The following ZC3H13 variants were observed in gnomAD, a reference collection of about 807,000 sequenced individuals.
The protein encoded by ZC3H13 is zinc finger CCCH domain-containing protein 13.
In ZC3H13, 64 loss-of-function variants were observed where a neutral mutation model predicts 204.1. That is an observed-to-expected ratio of 0.31 (90% CI 0.26 to 0.39). The LOEUF is 0.39. ZC3H13 is among the 10% of genes least tolerant of loss of function. The pLI is 1.00. For synonymous variants in ZC3H13, 667 were observed against 693.7 expected (o/e 0.96, Z 0.60); for missense variants, 1,833 against 2,082.7 (o/e 0.88, Z 2.33).
intron 5 of ZC3H13, among the ~76,000 whole-genome samples, chr13:46,013,427 A>C (rs1566285096): frequency 2.6e-5 from 4 of 151,762 alleles, no homozygotes; most frequent in African/African-American, 9.7e-5. Context: ...AAAAAAAAAC[A>C]AAATAAATAA....
chr13:46,011,493 A>T lies in ZC3H13; in HGVS notation c.510T>A (p.Arg170=). 1 of 1,604,488 alleles carries T rather than the reference A, an allele frequency of 6.2e-7. No individual in the cohort carries two copies. ...TCATTAATTCCCTCTGTATCTTCTG[A>T]CGCTTCATTTCCAATGACAATTCAT... ...YVHELSLEMK[R]QKIQRELMKL... Residue 170 remains arginine, a synonymous_variant, in exon 6 of 19, where the codon CGT becomes CGA. Coordinates refer to ENST00000679008, the MANE Select transcript of ZC3H13 (RefSeq NM_001330564.2).
At chr13:45,977,720 T>TTAGATGCCTA (rs1340454367) in intron 11 of ZC3H13, among the ~76,000 whole-genome samples, 4 of 134,206 alleles carry the variant, frequency 3.0e-5, no homozygotes, top group Non-Finnish European at 4.8e-5. Context: ...TCAGGTCTTC[T>TTAGATGCCTA]TAGATGCCTA....
chr13:46,048,923 G>A (rs939972488), intron 1 of ZC3H13, among the ~76,000 whole-genome samples: 2 of 152,004 alleles, frequency 1.3e-5, no homozygotes. Context: ...GAGGTCAAGA[G>A]ATTGAGACCA....
In ZC3H13 at chr13:45,957,017, TA is replaced by T; in HGVS notation, c.*109del. 1 of 1,030,486 alleles carries T rather than the reference TA, an allele frequency of 9.7e-7. No individual in the cohort carries two copies. Among genetic ancestry groups the T allele is most frequent in the Non-Finnish European group, 1.3e-6 (1 of 783,394 alleles). The allele number at this position is 1,030,486 out of a possible 1,614,324, so 63.8% of individuals were successfully genotyped here. The stretch of plus-strand genomic sequence containing the variant: ...TTCTTCACTCTTTTAGCATGGCTGA[TA>T]AATCTTTTCTGCCTTTGTCACTAAT... On this transcript the variant is annotated 3_prime_UTR_variant, in exon 19 of 19. Coordinates refer to ENST00000679008, the MANE Select transcript of ZC3H13 (RefSeq NM_001330564.2).
intron 11 of ZC3H13, among the ~76,000 whole-genome samples, chr13:45,978,574 G>C (rs1953265840): frequency 6.6e-6 from 1 of 151,956 alleles, no homozygotes; most frequent in African/African-American, 2.4e-5. Context: ...ATATTGTAAA[G>C]ACTAAGTCAG....
At position 45,955,401 on chromosome 13, in the gene ZC3H13, A is replaced by G. The variant is rs1388486950; in HGVS notation, c.*1726T>C. 3 of 152,208 alleles carry G rather than the reference A, an allele frequency of 2.0e-5. No homozygotes were observed. Among genetic ancestry groups the G allele is most frequent in the Admixed American group, 1.3e-4 (2 of 15,282 alleles). The allele number at this position is 152,208 out of a possible 1,614,324, so 9.4% of individuals were successfully genotyped here. A position where few individuals can be genotyped will look rare whatever the true frequency, so the allele number is the denominator to read the frequency against. On this transcript the variant is annotated 3_prime_UTR_variant, in exon 19 of 19. Transcript: ENST00000679008. Reference sequence around the variant, plus strand: ...AGTTCTAAATTTTCTTTTGCAACATACATAACAAAAAGATTTCAAACTGAA... The same window carrying G: ...AGTTCTAAATTTTCTTTTGCAACATGCATAACAAAAAGATTTCAAACTGAA...
intron 8 of ZC3H13, among the ~76,000 whole-genome samples, chr13:46,002,107 T>C (rs1281057766): frequency 6.6e-6 from 1 of 152,128 alleles, no homozygotes; most frequent in African/African-American, 2.4e-5. Flanking sequence ...TGGAAAGACA[T>C]TTCTCCAAAG....
At chr13:46,020,605 A>G in intron 4 of ZC3H13, 48 bp from the exon 5 acceptor site, 1 of 1,244,172 alleles carries the variant, frequency 8.0e-7, no homozygotes, top group South Asian at 1.4e-5. Context: ...TTTAAAAATT[A>G]TGAGGTAGTT....
At chr13:46,027,551 A>G (rs1019933237) in intron 4 of ZC3H13, among the ~76,000 whole-genome samples, 1 of 152,242 alleles carries the variant, frequency 6.6e-6, no homozygotes, top group Admixed American at 6.5e-5. Flanking sequence ...TTTTTCAAAG[A>G]AAAAATAAAG....
intron 1 of ZC3H13, among the ~76,000 whole-genome samples, chr13:46,048,154 C>T (rs1481714133): frequency 6.6e-6 from 1 of 152,138 alleles, no homozygotes; most frequent in East Asian, 1.9e-4. Flanking sequence ...TTTGAGGGTT[C>T]CAGGTATTAA....
chr13:45,980,020 A>T lies in ZC3H13; in HGVS notation c.1721-16T>A. 1 of 1,579,314 alleles carries T rather than the reference A, an allele frequency of 6.3e-7. No homozygotes were observed. Among genetic ancestry groups the T allele is most frequent in the Non-Finnish European group, 8.6e-7 (1 of 1,166,858 alleles). On this transcript the variant is annotated splice_polypyrimidine_tract_variant and intron_variant, in intron 10 of 18. Coordinates refer to ENST00000679008, the MANE Select transcript of ZC3H13 (RefSeq NM_001330564.2). ...CCTCGACTTCCTAAACAAAGGATAG[A>T]CACACAAATGTTTACCACATACACT...
At chr13:46,052,034 T>C (rs2044483092) in intron 1 of ZC3H13, 2 of 147,756 alleles carry the variant, frequency 1.4e-5, no homozygotes, top group Non-Finnish European at 3.0e-5. Context: ...AGTAAGATGT[T>C]TTTCTCTAAC....
At chr13:45,964,100 CTACA>C in intron 16 of ZC3H13, 58 bp from the exon 17 acceptor site, 1 of 1,465,924 alleles carries the variant, frequency 6.8e-7, no homozygotes, top group Non-Finnish European at 9.4e-7. Flanking sequence ...GTCTTGTTAT[CTACA>C]TAGACATTTA....
At chr13:46,043,211 C>T (rs1308937619) in intron 3 of ZC3H13, among the ~76,000 whole-genome samples, 1 of 151,914 alleles carries the variant, frequency 6.6e-6, no homozygotes, top group Non-Finnish European at 1.5e-5. Context: ...TAAATATTCA[C>T]ATCTATTTCA....
At chr13:46,022,314 T>C (rs1471668825) in intron 4 of ZC3H13, among the ~76,000 whole-genome samples, 1 of 151,952 alleles carries the variant, frequency 6.6e-6, no homozygotes, top group Admixed American at 6.6e-5. Flanking sequence ...CAAATCATAA[T>C]ATAGGAAATT....
In ZC3H13 at chr13:45,980,026, A is replaced by C. The variant is rs191853031; in HGVS notation, c.1721-22T>G. On this transcript the variant is annotated intron_variant, in intron 10 of 18. Transcript: ENST00000679008. ...CTTCCTAAACAAAGGATAGACACAC[A>C]AATGTTTACCACATACACTTTATTC... 173 of 1,572,380 alleles carry C rather than the reference A, an allele frequency of 1.1e-4. No individual in the cohort carries two copies. In the African/African-American group the frequency reaches 2.2e-3, roughly 20 times the overall value.
chr13:45,964,028 T>C lies in ZC3H13; in HGVS notation c.4489A>G (p.Ile1497Val). ...ATAAGACCAGACCAATCCACATCTA[T>C]CACATCTAAGGGATCTGTAAAAAGT... ...EEKMPDPLDVIDVDWSGLMPK... is the reference protein window; with the variant it reads ...EEKMPDPLDVVDVDWSGLMPK... Residue 1497 changes from isoleucine (I) to valine (V), a missense_variant, in exon 17 of 19, where the codon ATA becomes GTA. Physicochemically the swap from Ile to Val is conservative, Grantham distance 29. Transcript: ENST00000679008. The C allele has an allele frequency of 6.2e-7, 1 of 1,613,606 alleles. No individual in the cohort carries two copies. Among genetic ancestry groups the C allele is most frequent in the Non-Finnish European group, 8.5e-7 (1 of 1,179,876 alleles).
At chr13:46,035,391 C>T (rs1371316106) in intron 4 of ZC3H13, among the ~76,000 whole-genome samples, 1 of 152,176 alleles carries the variant, frequency 6.6e-6, no homozygotes, top group Admixed American at 6.5e-5. Flanking sequence ...CAAGGAATAG[C>T]AACTGGAACA....
intron 16 of ZC3H13, 45 bp downstream of exon 16, chr13:45,965,235 T>C: frequency 1.2e-6 from 2 of 1,600,456 alleles, no homozygotes; most frequent in South Asian, 1.1e-5. Flanking sequence ...TTTAATATCA[T>C]ATAACAGATA....
Sources: gnomAD v4.1 joint callset for allele counts (sites outside exome capture counted in the v4.1 genomes callset) on GRCh38, gnomAD v4.1.1 for gene constraint, MANE v1.5 for transcripts, NCBI Gene and HGNC (gene_info 2026-07-23, HGNC 2026-07-21) for gene names.